OCA2: variants seen among roughly 807,000 people sequenced by gnomAD.
The protein encoded by OCA2 is OCA2 melanosomal transmembrane protein, also known as P protein.
A neutral mutation model predicts 100.2 loss-of-function variants in OCA2; 77 were observed. The observed-to-expected ratio is 0.77, with a 90% CI of 0.64 to 0.93. The LOEUF (loss-of-function observed/expected upper bound fraction) is 0.93. OCA2 is among the 40% of genes least tolerant of loss of function. OCA2 has a pLI of 0.00. For missense variants in OCA2, 1,062 were observed against 1,089.1 expected, an observed-to-expected ratio of 0.98 and a Z score of 0.35; for synonymous variants, 432 against 439.2, an observed-to-expected ratio of 0.98 and a Z score of 0.21.
At position 28,034,633 on chromosome 15, in the gene OCA2, G is replaced by T. The variant is rs981116012; in HGVS notation, c.228-2470C>A. ...TCTAAAAAAATTCAAAAATTAGCCG[G>T]GTGTGGTGGTGTACTCCTGTAGTCC... On this transcript the variant is annotated intron_variant, in intron 2 of 23. Coordinates refer to ENST00000354638, the MANE Select transcript of OCA2 (RefSeq NM_000275.3). Among the ~76,000 whole-genome samples, 5 of 152,110 alleles carry T rather than the reference G, an allele frequency of 3.3e-5. 1 individual carries two copies. Among genetic ancestry groups the T allele is most frequent in the African/African-American group, 1.2e-4 (5 of 41,502 alleles).
chr15:28,070,160 G>A (rs1478604590), intron 2 of OCA2, among the ~76,000 whole-genome samples: 1 of 122,160 alleles, frequency 8.2e-6, no homozygotes, highest in Non-Finnish European at 1.6e-5. Flanking sequence ...GAGACCCTCT[G>A]CCTGGCAACC....
At chr15:28,028,485 A>G (rs1394006432) in intron 3 of OCA2, among the ~76,000 whole-genome samples, 1 of 88,298 alleles carries the variant, frequency 1.1e-5, no homozygotes, top group Non-Finnish European at 2.5e-5. Flanking sequence ...CTCTTTCTGC[A>G]GTGGAGCTGT....
At chr15:27,834,755 T>C (rs1017673639) in intron 23 of OCA2, among the ~76,000 whole-genome samples, 1 of 152,226 alleles carries the variant, frequency 6.6e-6, no homozygotes, top group African/African-American at 2.4e-5. Context: ...AGAATGTTGC[T>C]AAGTCAGCGC....
At chr15:28,024,625 C>T (rs1165394488) in intron 5 of OCA2, among the ~76,000 whole-genome samples, 3 of 152,236 alleles carry the variant, frequency 2.0e-5, no homozygotes, top group African/African-American at 7.2e-5. Context: ...CCGGCTTCTG[C>T]CGTGTGACTG....
chr15:27,812,017 T>A (rs1166088670), intron 23 of OCA2, among the ~76,000 whole-genome samples: 1 of 152,206 alleles, frequency 6.6e-6, no homozygotes, highest in East Asian at 1.9e-4. Context: ...AAAATGATCT[T>A]GAAGTTGGAT....
At chr15:27,959,615 T>C (rs141837694) in intron 15 of OCA2, among the ~76,000 whole-genome samples, 12 of 152,262 alleles carry the variant, frequency 7.9e-5, no homozygotes, top group Middle Eastern at 3.4e-3. Context: ...CTCTGCGTGG[T>C]TCATCTCTGG....
At chr15:27,730,754 TATATATATATATATATATATATATG>T in the OCA2 span, among the ~76,000 whole-genome samples, 10 of 104,910 alleles carry the variant, frequency 9.5e-5, no homozygotes, top group African/African-American at 7.9e-4. Flanking sequence ...TATATATATA[TATATATATATATATATATATATATG>T]TTTTTTTTTC....
chr15:27,855,776 T>G (rs2035926187), intron 21 of OCA2, among the ~76,000 whole-genome samples: 2 of 152,192 alleles, frequency 1.3e-5, no homozygotes, highest in South Asian at 4.1e-4. Flanking sequence ...AGAGCTTGCT[T>G]TACAGTGGCA....
At chr15:27,779,190 TG>T (rs1463139114) in intron 23 of OCA2, among the ~76,000 whole-genome samples, 1 of 152,252 alleles carries the variant, frequency 6.6e-6, no homozygotes, top group Non-Finnish European at 1.5e-5. Flanking sequence ...TGACCTAATA[TG>T]TGATCTGTCC....
At chr15:27,805,061 A>G (rs2033772845) in intron 23 of OCA2, among the ~76,000 whole-genome samples, 1 of 152,148 alleles carries the variant, frequency 6.6e-6, no homozygotes, top group African/African-American at 2.4e-5. Flanking sequence ...AAGCCCCTGC[A>G]AGGGAGGCCC....
chr15:27,968,747 G>A (rs1468734381), intron 14 of OCA2, among the ~76,000 whole-genome samples: 1 of 152,118 alleles, frequency 6.6e-6, no homozygotes. Context: ...CAAATGACAG[G>A]TGGAGCTATA....
chr15:27,722,780 T>TTCTCTCTCTCTCTCTCTCTCTC, the OCA2 span, among the ~76,000 whole-genome samples: 5 of 134,312 alleles, frequency 3.7e-5, no homozygotes, highest in East Asian at 8.7e-4. Flanking sequence ...TTTTCTTTCT[T>TTCTCTCTCTCTCTCTCTCTCTC]TCTCTCTCTC....
intron 19 of OCA2, among the ~76,000 whole-genome samples, chr15:27,900,381 C>T (rs2703977): frequency 6.6e-6 from 1 of 151,998 alleles, no homozygotes; most frequent in African/African-American, 2.4e-5. Flanking sequence ...GACTCCCATA[C>T]TGGGAGCCTC....
chr15:27,848,426 G>C (rs549179618), intron 22 of OCA2, among the ~76,000 whole-genome samples: 1 of 152,268 alleles, frequency 6.6e-6, no homozygotes, highest in Non-Finnish European at 1.5e-5. Context: ...ATTCCACGTG[G>C]CATGGGCTCC....
chr15:28,028,182 A>T, intron 3 of OCA2, 123 bp from the exon 4 acceptor site: 4 of 1,092,816 alleles, frequency 3.7e-6, no homozygotes, highest in Non-Finnish European at 5.5e-6. Flanking sequence ...AAAGGACCAC[A>T]GACAGTGGTG....
At chr15:27,964,789 G>A (rs1427534623) in intron 15 of OCA2, among the ~76,000 whole-genome samples, 1 of 152,066 alleles carries the variant, frequency 6.6e-6, no homozygotes, top group Non-Finnish European at 1.5e-5. Context: ...CAAATTTGGA[G>A]CCCTCTAAGC....
At chr15:28,023,170 G>A (rs1377865496) in intron 5 of OCA2, among the ~76,000 whole-genome samples, 2 of 152,186 alleles carry the variant, frequency 1.3e-5, no homozygotes, top group Admixed American at 6.5e-5. Context: ...AGGCCCTGCT[G>A]AGCAGCAGGG....
intron 23 of OCA2, among the ~76,000 whole-genome samples, chr15:27,825,595 T>C (rs2034689540): frequency 6.6e-6 from 1 of 152,114 alleles, no homozygotes; most frequent in African/African-American, 2.4e-5. Context: ...GACTTGACCG[T>C]GAGCAGAGTC....
intron 21 of OCA2, among the ~76,000 whole-genome samples, chr15:27,870,733 AAGGG>A (rs58445782): frequency 0.018 from 2,424 of 131,782 alleles, 76 homozygotes; most frequent in African/African-American, 0.067. Context: ...AGAAGGAAGG[AAGGG>A]AGGGAGGGAG....
Sources: gnomAD v4.1 joint callset for allele counts (sites outside exome capture counted in the v4.1 genomes callset) on GRCh38, gnomAD v4.1.1 for gene constraint, MANE v1.5 for transcripts, NCBI Gene and HGNC (gene_info 2026-07-23, HGNC 2026-07-21) for gene names.